Variants in ADGRL2 observed in about 807,000 individuals in gnomAD.
The protein encoded by ADGRL2 is calcium-independent alpha-latrotoxin receptor 2.
Under a neutral mutation model 157.4 loss-of-function variants are expected in ADGRL2, and 44 were observed. The ratio of observed to expected loss-of-function variants is 0.28; its 90% CI spans 0.22 to 0.36. The LOEUF is 0.36. ADGRL2 is among the 10% of genes least tolerant of loss of function. The pLI is 1.00. For synonymous variants in ADGRL2, 585 were observed against 624.7 expected, an observed-to-expected ratio of 0.94 and a Z score of 0.95; for missense variants, 1,510 against 1,768.9, an observed-to-expected ratio of 0.85 and a Z score of 2.63.
At position 81,538,867 on chromosome 1, in the gene ADGRL2, G is replaced by T. The variant is rs181869903; in HGVS notation, c.-247-42009G>T. On this transcript the variant is annotated intron_variant, in intron 2 of 24. Transcript: ENST00000370721. The stretch of plus-strand genomic sequence containing the variant: ...CAAAAATACAAAAAAAATTAGCCAG[G>T]CATGGTGGTGTTTTCCTGTGGTCCC... Among the ~76,000 whole-genome samples the T allele has an allele frequency of 3.3e-3, 497 of 152,142 alleles. 2 individuals carry two copies. Among genetic ancestry groups the T allele is most frequent in the Middle Eastern group, 0.02 (6 of 294 alleles).
chr1:81,710,437 G>A (rs868157495), intron 1 of ADGRL2, among the ~76,000 whole-genome samples: 19 of 151,690 alleles, frequency 1.3e-4, no homozygotes, highest in Middle Eastern at 6.3e-3. Flanking sequence ...TGGCCAACAT[G>A]GTGAAACCTC....
chr1:81,704,109 T>C (rs1180608366), intron 1 of ADGRL2, among the ~76,000 whole-genome samples: 2 of 152,228 alleles, frequency 1.3e-5, no homozygotes, highest in African/African-American at 4.8e-5. Flanking sequence ...CCCTTCATCA[T>C]CATACTTCCC....
At chr1:81,407,999 T>A (rs2101374961) in intron 1 of ADGRL2, among the ~76,000 whole-genome samples, 1 of 152,322 alleles carries the variant, frequency 6.6e-6, no homozygotes, top group African/African-American at 2.4e-5. Flanking sequence ...TGCATTTTTA[T>A]CTGTTAGTTA....
At chr1:81,752,813 G>A (rs1185606983) in intron 1 of ADGRL2, among the ~76,000 whole-genome samples, 1 of 152,162 alleles carries the variant, frequency 6.6e-6, no homozygotes, top group Admixed American at 6.5e-5. Flanking sequence ...GTATGAAGAA[G>A]CCAAATAGCT....
At chr1:81,602,450 C>T (rs550399344) in intron 3 of ADGRL2, among the ~76,000 whole-genome samples, 32 of 151,868 alleles carry the variant, frequency 2.1e-4, no homozygotes, top group African/African-American at 4.1e-4. Context: ...AAAAATAGCC[C>T]GGCGTGGTGG....
At chr1:81,761,414 T>C (rs932379624) in intron 1 of ADGRL2, among the ~76,000 whole-genome samples, 2 of 151,974 alleles carry the variant, frequency 1.3e-5, no homozygotes, top group Non-Finnish European at 2.9e-5. Context: ...TCAATATTAA[T>C]AGCATTAATT....
intron 1 of ADGRL2, among the ~76,000 whole-genome samples, chr1:81,414,887 T>C (rs1227319598): frequency 6.6e-6 from 1 of 152,186 alleles, no homozygotes; most frequent in African/African-American, 2.4e-5. Flanking sequence ...CAAAGGAAAA[T>C]CTTTTGTCAT....
intron 3 of ADGRL2, among the ~76,000 whole-genome samples, chr1:81,585,363 G>C (rs947849352): frequency 1.3e-5 from 2 of 151,952 alleles, no homozygotes; most frequent in Non-Finnish European, 2.9e-5. Flanking sequence ...TGGGTTTTTT[G>C]TTCTTGTTGT....
At chr1:81,574,749 A>G (rs1040847356) in intron 2 of ADGRL2, among the ~76,000 whole-genome samples, 1 of 152,192 alleles carries the variant, frequency 6.6e-6, no homozygotes, top group Admixed American at 6.6e-5. Context: ...AGTACCTTGA[A>G]TAGTAACAGC....
Position 81,966,427 on chromosome 1 carries a change from A to G in ADGRL2, c.2167A>G (p.Ile723Val). The change falls in exon 13 of 24, where the codon ATT becomes GTT. Residue 723 changes from isoleucine to valine, a missense_variant. By Grantham distance (29) the Ile-to-Val change is conservative. This residue lies in a region of ADGRL2 where 497 missense variants were observed against 627.2 expected (regional missense o/e 0.79). Transcript: ENST00000686636. Reference protein sequence around the residue: ...RNGLAKLVFIIYRSLGQFLST... With the variant: ...RNGLAKLVFIVYRSLGQFLST... ...AGGGCTTGCAAAGTTGGTGTTCATC[A>G]TTTACCGGAGCCTGGGACAGTTCCT... The G allele has an allele frequency of 6.2e-7, 1 of 1,614,066 alleles. No individual in the cohort carries two copies. Among genetic ancestry groups the G allele is most frequent in the Non-Finnish European group, 8.5e-7 (1 of 1,179,990 alleles).
At chr1:81,318,098 G>A (rs996246947) in intron 1 of ADGRL2, among the ~76,000 whole-genome samples, 1 of 152,108 alleles carries the variant, frequency 6.6e-6, no homozygotes, top group South Asian at 2.1e-4. Context: ...CACCTTTAAA[G>A]AACATAGACA....
At chr1:81,561,642 T>C (rs1049522744) in intron 2 of ADGRL2, among the ~76,000 whole-genome samples, 5 of 152,032 alleles carry the variant, frequency 3.3e-5, no homozygotes, top group African/African-American at 1.2e-4. Flanking sequence ...TGTATTTTAG[T>C]AGAGACAGGG....
At chr1:81,728,002 G>A (rs1448765183) in intron 1 of ADGRL2, among the ~76,000 whole-genome samples, 1 of 152,008 alleles carries the variant, frequency 6.6e-6, no homozygotes, top group Non-Finnish European at 1.5e-5. Flanking sequence ...ATAAATATTT[G>A]TTCAATGAGC....
intron 1 of ADGRL2, among the ~76,000 whole-genome samples, chr1:81,826,742 T>C (rs1181506849): frequency 6.6e-6 from 1 of 152,118 alleles, no homozygotes; most frequent in Non-Finnish European, 1.5e-5. Flanking sequence ...ATGAAAAAAG[T>C]CATTTTGTGT....
intron 1 of ADGRL2, among the ~76,000 whole-genome samples, chr1:81,745,147 C>T (rs1446519341): frequency 6.6e-6 from 1 of 152,094 alleles, no homozygotes; most frequent in Admixed American, 6.6e-5. Context: ...CCCTGGTAAT[C>T]CTTGGCTGTT....
At chr1:81,481,983 T>C (rs1453815732) in intron 2 of ADGRL2, among the ~76,000 whole-genome samples, 2 of 152,254 alleles carry the variant, frequency 1.3e-5, no homozygotes, top group African/African-American at 4.8e-5. Context: ...TGACACATTG[T>C]GTCCACAACT....
intron 1 of ADGRL2, among the ~76,000 whole-genome samples, chr1:81,822,646 A>G (rs1162991139): frequency 6.6e-6 from 1 of 152,046 alleles, no homozygotes; most frequent in African/African-American, 2.4e-5. Context: ...TTGAGTATCT[A>G]GGGCTATAGG....
intron 2 of ADGRL2, among the ~76,000 whole-genome samples, chr1:81,780,735 T>A (rs1054497536): frequency 3.3e-5 from 5 of 152,232 alleles, no homozygotes; most frequent in African/African-American, 1.2e-4. Flanking sequence ...ATGATTTTAA[T>A]GATTTAATCT....
intron 1 of ADGRL2, among the ~76,000 whole-genome samples, chr1:81,740,753 A>G (rs1029102565): frequency 1.3e-5 from 2 of 152,152 alleles, no homozygotes; most frequent in Non-Finnish European, 2.9e-5. Context: ...TATCTCCACA[A>G]ATGGAATATC....
Sources: gnomAD v4.1 joint callset for allele counts (sites outside exome capture counted in the v4.1 genomes callset) on GRCh38, gnomAD v4.1.1 for gene constraint, gnomAD v4.1.1 regional missense constraint, MANE v1.5 for transcripts, NCBI Gene and HGNC (gene_info 2026-07-23, HGNC 2026-07-21) for gene names.